ZNF626: variants seen among roughly 807,000 people sequenced by gnomAD.
ZNF626 encodes CTC-513N18.7.
Under a neutral mutation model 11.7 loss-of-function variants are expected in ZNF626, and 4 were observed. That is an observed-to-expected ratio of 0.34 (90% CI 0.17 to 0.78). ZNF626 has a LOEUF of 0.78. Ranked by LOEUF, ZNF626 falls within the 30% of genes least tolerant of loss-of-function variation. The pLI, the probability that ZNF626 is intolerant of heterozygous loss-of-function variation, is 0.57. For missense variants in ZNF626, 588 were observed against 587.1 expected, an observed-to-expected ratio of 1.00 and a Z score of -0.01; for synonymous variants, 179 against 198.6, an observed-to-expected ratio of 0.90 and a Z score of 0.83.
rs546699993 is a variant in ZNF626 at position 20,650,319 on chromosome 19, G to T, written c.4-3914C>A. ...GAAATATGGAAGGCAAGAGTTTAATGTAGTTCAGAGAAAATTTTATTCTGT... is the reference window on the plus strand; with the variant it reads ...GAAATATGGAAGGCAAGAGTTTAATTTAGTTCAGAGAAAATTTTATTCTGT... On this transcript the variant is annotated intron_variant, in intron 1 of 3. Coordinates refer to ENST00000601440, the MANE Select transcript of ZNF626 (RefSeq NM_001076675.3). 1.7e-4 allele frequency among the ~76,000 whole-genome samples: 26 copies of T among 151,872 alleles called. No homozygotes were observed. The East Asian group carries it at 5.0e-3, about 29-fold the overall frequency.
intron 3 of ZNF626, among the ~76,000 whole-genome samples, chr19:20,629,804 T>G (rs1969882489): frequency 6.6e-6 from 1 of 152,170 alleles, no homozygotes; most frequent in Admixed American, 6.5e-5. Context: ...GGCCAGAACT[T>G]CCAACACTAT....
chr19:20,628,012 T>G (rs1969859880), intron 3 of ZNF626, among the ~76,000 whole-genome samples: 1 of 152,076 alleles, frequency 6.6e-6, no homozygotes, highest in African/African-American at 2.4e-5. Context: ...TCCCACCTAT[T>G]AGTGAGAACA....
intron 3 of ZNF626, among the ~76,000 whole-genome samples, chr19:20,642,649 T>A (rs1338326765): frequency 6.6e-6 from 1 of 151,920 alleles, no homozygotes; most frequent in Non-Finnish European, 1.5e-5. Flanking sequence ...TGAAGAAACA[T>A]GCTAATACAG....
Position 20,661,551 on chromosome 19 carries a change from G to C in ZNF626, c.-105C>G, listed in dbSNP as rs1259792935. On this transcript the variant is annotated 5_prime_UTR_variant, in exon 1 of 4. Transcript: ENST00000601440. Reference sequence around the variant, plus strand: ...CTTTAGGAGAAGAACCAGACCTGGAGCTCTGACTGCAGCGAGAGACAAAGG... The same window carrying C: ...CTTTAGGAGAAGAACCAGACCTGGACCTCTGACTGCAGCGAGAGACAAAGG... 7.7e-6 allele frequency: 10 copies of C among 1,300,894 alleles called. No individual in the cohort carries two copies. The highest frequency in any genetic ancestry group is 1.5e-5 in the African/African-American group (1 of 67,938). The allele number at this position is 1,300,894 out of a possible 1,614,324, so 80.6% of individuals were successfully genotyped here.
chr19:20,646,849 T>C (rs1266213709), intron 1 of ZNF626, among the ~76,000 whole-genome samples: 2 of 152,138 alleles, frequency 1.3e-5, no homozygotes, highest in Non-Finnish European at 2.9e-5. Context: ...GATTTATTTA[T>C]TTATTTATTT....
chr19:20,627,758 A>G (rs1242601212), intron 3 of ZNF626, among the ~76,000 whole-genome samples: 1 of 152,128 alleles, frequency 6.6e-6, no homozygotes. Context: ...CAGAAGTAGA[A>G]TTTCATGTAA....
At chr19:20,641,616 G>A (rs1196523905) in intron 3 of ZNF626, among the ~76,000 whole-genome samples, 1 of 152,056 alleles carries the variant, frequency 6.6e-6, no homozygotes, top group African/African-American at 2.4e-5. Context: ...TTGAGACAGG[G>A]TCTCACTCTG....
Position 20,621,588 on chromosome 19 carries a change from G to A in ZNF626, c.*2702C>T, listed in dbSNP as rs1432997160. On this transcript the variant is annotated 3_prime_UTR_variant, in exon 4 of 4. Transcript: ENST00000601440. ...TGACAGATACCTTATTTACCCTAAT[G>A]TAATTACTACATATTGTATGCCTGA... 2 of 152,096 alleles carry A rather than the reference G, an allele frequency of 1.3e-5. No individual in the cohort carries two copies. Among genetic ancestry groups the A allele is most frequent in the Non-Finnish European group, 2.9e-5 (2 of 68,018 alleles). 9.4% of individuals were successfully genotyped at this position (152,096 alleles called of 1,614,324 possible).
At chr19:20,637,032 A>AAAC (rs1599478786) in intron 3 of ZNF626, among the ~76,000 whole-genome samples, 3 of 151,466 alleles carry the variant, frequency 2.0e-5, no homozygotes, top group South Asian at 2.1e-4. Context: ...AAAAAAAAAA[A>AAAC]AAAAAAGGCC....
chr19:20,629,674 T>C (rs1198175165), intron 3 of ZNF626, among the ~76,000 whole-genome samples: 3 of 152,202 alleles, frequency 2.0e-5, no homozygotes, highest in Non-Finnish European at 2.9e-5. Flanking sequence ...TAAGGAGATT[T>C]TGGGCTGAGA....
At chr19:20,635,304 T>C (rs1209040095) in intron 3 of ZNF626, among the ~76,000 whole-genome samples, 1 of 152,210 alleles carries the variant, frequency 6.6e-6, no homozygotes, top group Non-Finnish European at 1.5e-5. Context: ...CATAACAATG[T>C]CTATATAATT....
intron 1 of ZNF626, among the ~76,000 whole-genome samples, chr19:20,646,690 G>C (rs1970082730): frequency 6.6e-6 from 1 of 152,170 alleles, no homozygotes; most frequent in African/African-American, 2.4e-5. Flanking sequence ...CAGTGCTATA[G>C]TTACATTATA....
intron 1 of ZNF626, among the ~76,000 whole-genome samples, chr19:20,653,909 CACCTG>C (rs1192832426): frequency 6.6e-6 from 1 of 152,130 alleles, no homozygotes; most frequent in Non-Finnish European, 1.5e-5. Flanking sequence ...GTGGCCACAT[CACCTG>C]TCTTTATTTG....
rs781908608 is a variant in ZNF626, at chr19:20,645,375, G to A, written c.226+309C>T. ...TGTGCGTCCCAAAAATTATGGAAAA[G>A]CAGCCACACTGTGCAGTCTCTTATA... On this transcript the variant is annotated intron_variant, in intron 3 of 3. Coordinates refer to ENST00000601440, the MANE Select transcript of ZNF626 (RefSeq NM_001076675.3). 3.8e-6 allele frequency: 6 copies of A among 1,582,658 alleles called. No homozygotes were observed. In the Admixed American group the frequency reaches 7.9e-5, roughly 21 times the overall value.
intron 3 of ZNF626, chr19:20,645,385 T>C: frequency 6.3e-6 from 10 of 1,597,160 alleles, no homozygotes; most frequent in Non-Finnish European, 8.5e-6. Flanking sequence ...GCAGCCACAC[T>C]GTGCAGTCTC....
At chr19:20,641,442 G>C (rs1970023621) in intron 3 of ZNF626, among the ~76,000 whole-genome samples, 1 of 152,082 alleles carries the variant, frequency 6.6e-6, no homozygotes, top group South Asian at 2.1e-4. Context: ...CATAAAAATA[G>C]AAAGTGGAAA....
intron 3 of ZNF626, among the ~76,000 whole-genome samples, chr19:20,639,109 G>A (rs543106015): frequency 5.3e-5 from 8 of 152,260 alleles, no homozygotes; most frequent in African/African-American, 1.9e-4. Flanking sequence ...GTAAGAGACA[G>A]AGCAAGTGTG....
At position 20,623,164 on chromosome 19, in the gene ZNF626, TTGAG is replaced by T. The variant is rs1969777043; in HGVS notation, c.*1122_*1125del. The T allele has an allele frequency of 6.6e-6, 1 of 152,214 alleles. No individual in the cohort carries two copies. Among genetic ancestry groups the T allele is most frequent in the Non-Finnish European group, 1.5e-5 (1 of 68,042 alleles). The allele number at this position is 152,214 out of a possible 1,614,324, so 9.4% of individuals were successfully genotyped here. A position where few individuals can be genotyped will look rare whatever the true frequency, so the allele number is the denominator to read the frequency against. ...TTCATTAACTATGAACCTTCTTATG[TTGAG>T]TAAGATGTGAGTAGGCATTAATGGG... On this transcript the variant is annotated 3_prime_UTR_variant, in exon 4 of 4. Transcript: ENST00000601440.
At chr19:20,649,802 T>C (rs1357529833) in intron 1 of ZNF626, among the ~76,000 whole-genome samples, 2 of 139,894 alleles carry the variant, frequency 1.4e-5, no homozygotes, top group Non-Finnish European at 3.0e-5. Flanking sequence ...ACAAGTTCCC[T>C]TTCAATGCTG....
Sources: gnomAD v4.1 joint callset for allele counts (sites outside exome capture counted in the v4.1 genomes callset) on GRCh38, gnomAD v4.1.1 for gene constraint, MANE v1.5 for transcripts, NCBI Gene and HGNC (gene_info 2026-07-23, HGNC 2026-07-21) for gene names.